The following ZCCHC4 variants were observed in gnomAD, a reference collection of about 807,000 sequenced individuals.
ZCCHC4 encodes the protein zinc finger CCHC-type containing 4.
A neutral mutation model predicts 67.7 loss-of-function variants in ZCCHC4; 54 were observed. The observed-to-expected ratio is 0.80, with a 90% CI of 0.64 to 1.00. The LOEUF (loss-of-function observed/expected upper bound fraction) is 1.00. Ranked by LOEUF, ZCCHC4 falls within the 50% of genes least tolerant of loss-of-function variation. ZCCHC4 has a pLI of 0.00. For missense variants in ZCCHC4, 609 were observed against 617.0 expected (o/e 0.99, Z 0.14); for synonymous variants, 198 against 213.5 (o/e 0.93, Z 0.63).
intron 2 of ZCCHC4, 106 bp from the exon 3 acceptor site, chr4:25,315,212 T>G: frequency 7.3e-5 from 70 of 953,164 alleles, no homozygotes; most frequent in Middle Eastern, 2.3e-4. Flanking sequence ...GAATGCCTGT[T>G]GAGTTGGTTG....
intron 12 of ZCCHC4, chr4:25,365,394 A>G: frequency 7.5e-7 from 1 of 1,327,866 alleles, no homozygotes; most frequent in Admixed American, 3.4e-5. Context: ...TAACCAAAAT[A>G]TGAGGTAGAA....
intron 5 of ZCCHC4, among the ~76,000 whole-genome samples, chr4:25,345,008 G>T (rs539736302): frequency 6.6e-6 from 1 of 151,920 alleles, no homozygotes; most frequent in East Asian, 1.9e-4. Flanking sequence ...TTGCCATGTT[G>T]CCCAGGTTGG....
Position 25,333,346 on chromosome 4 carries a change from G to GA in ZCCHC4, c.497dup (p.Asn166LysfsTer12). ...GCCCAGTCAACTCCTTTATCCACTGGAAAACAAGAAGACAAATGCCCAGTA... is the reference window on the plus strand; with the variant it reads ...GCCCAGTCAACTCCTTTATCCACTGGAAAAACAAGAAGACAAATGCCCAGTA... On this transcript the variant is annotated frameshift_variant, in exon 4 of 13. Coordinates refer to ENST00000302874, the MANE Select transcript of ZCCHC4 (RefSeq NM_024936.3). LOFTEE classifies it high-confidence loss of function. The GA allele has an allele frequency of 6.2e-7, 1 of 1,614,094 alleles. No individual in the cohort carries two copies. The highest frequency in any genetic ancestry group is 8.5e-7 in the Non-Finnish European group (1 of 1,180,022).
intron 3 of ZCCHC4, among the ~76,000 whole-genome samples, chr4:25,322,162 T>TTTTA (rs1183658951): frequency 1.3e-5 from 2 of 152,276 alleles, no homozygotes; most frequent in Admixed American, 1.3e-4. Flanking sequence ...CAGGCTCTCT[T>TTTTA]TTTATTTATT....
At chr4:25,363,744 GTATAGTT>G (rs977288436) in intron 10 of ZCCHC4, among the ~76,000 whole-genome samples, 1 of 152,196 alleles carries the variant, frequency 6.6e-6, no homozygotes, top group African/African-American at 2.4e-5. Context: ...TGCCCAGACT[GTATAGTT>G]TAAAGTTGAG....
At position 25,359,445 on chromosome 4, in the gene ZCCHC4, A is replaced by G. The variant is rs1016101906; in HGVS notation, c.1012-2414A>G. Among the ~76,000 whole-genome samples, 28 of 152,126 alleles carry G rather than the reference A, an allele frequency of 1.8e-4. No individual in the cohort carries two copies. The highest frequency in any genetic ancestry group is 6.5e-4 in the African/African-American group (27 of 41,434). ...CTCGGCTACAGAGCTTGGAAAAGGA[A>G]TTAGAGGCTGCTCTGGATACAGGCC... is the stretch of plus-strand genomic sequence containing the variant. On this transcript the variant is annotated intron_variant, in intron 8 of 12. Transcript: ENST00000302874. The surrounding 1 kb of genome is among the most constrained non-coding windows in gnomAD (Gnocchi z 4.9).
chr4:25,335,530 G>A (rs1226930864), intron 5 of ZCCHC4, among the ~76,000 whole-genome samples: 1 of 152,160 alleles, frequency 6.6e-6, no homozygotes, highest in Non-Finnish European at 1.5e-5. Flanking sequence ...GGAGGCTGAG[G>A]CAGGTGGATT....
intron 12 of ZCCHC4, chr4:25,366,162 T>C: frequency 1.0e-6 from 1 of 983,816 alleles, no homozygotes; most frequent in African/African-American, 1.7e-5. Context: ...GTGAAAATTT[T>C]TTTTTCCATT....
chr4:25,331,238 ACTT>A (rs1374551141), intron 3 of ZCCHC4, among the ~76,000 whole-genome samples: 2 of 152,106 alleles, frequency 1.3e-5, no homozygotes, highest in East Asian at 3.9e-4. Flanking sequence ...TCTTTTTAAA[ACTT>A]CTTTTGAAGG....
At chr4:25,316,605 C>T (rs1215366799) in intron 3 of ZCCHC4, among the ~76,000 whole-genome samples, 1 of 148,798 alleles carries the variant, frequency 6.7e-6, no homozygotes, top group East Asian at 1.9e-4. Flanking sequence ...TGCTTACTGG[C>T]TATTTATGTA....
intron 8 of ZCCHC4, among the ~76,000 whole-genome samples, chr4:25,353,495 G>C (rs1280428386): frequency 6.6e-6 from 1 of 152,198 alleles, no homozygotes. Context: ...TTGCAATACG[G>C]AGATAGCTGA....
rs1720754422 is a variant in ZCCHC4 at position 25,361,915 on chromosome 4, T to C, written c.1068T>C (p.Ser356=). The C allele has an allele frequency of 3.7e-6, 6 of 1,614,008 alleles. No individual in the cohort carries two copies. The Middle Eastern group carries it at 6.6e-4, about 178-fold the overall frequency. ...YKHGKTGRKQ[S]PVRIFTNIPP... is the part of the protein sequence containing the mutation. ...ACGGAAAGACAGGTCGAAAACAGTC[T>C]CCCGTGCGTATTTTCACCAACATTC... The change falls in exon 9 of 13, where the codon TCT becomes TCC. Residue 356 remains serine, a synonymous_variant. Coordinates refer to ENST00000302874, the MANE Select transcript of ZCCHC4 (RefSeq NM_024936.3).
intron 5 of ZCCHC4, among the ~76,000 whole-genome samples, chr4:25,339,994 G>A (rs549839121): frequency 6.6e-6 from 1 of 151,422 alleles, no homozygotes; most frequent in Non-Finnish European, 1.5e-5. Context: ...TCAGCCTCCC[G>A]AGTAGCTGGA....
intron 3 of ZCCHC4, among the ~76,000 whole-genome samples, chr4:25,323,082 G>A (rs550422839): frequency 6.6e-6 from 1 of 152,260 alleles, no homozygotes; most frequent in African/African-American, 2.4e-5. Context: ...ACGTGTTCAG[G>A]TATTAGCCGG....
chr4:25,323,123 C>G (rs1191338555), intron 3 of ZCCHC4, among the ~76,000 whole-genome samples: 2 of 152,224 alleles, frequency 1.3e-5, no homozygotes, highest in African/African-American at 2.4e-5. Context: ...AGCTCCCCAT[C>G]AGCCCTTTGT....
At chr4:25,341,420 G>A (rs922142676) in intron 5 of ZCCHC4, among the ~76,000 whole-genome samples, 3 of 152,022 alleles carry the variant, frequency 2.0e-5, no homozygotes, top group African/African-American at 7.3e-5. Flanking sequence ...GTTCATGCAA[G>A]AGCTGGTTGT....
In ZCCHC4 at chr4:25,326,304, A is replaced by G. The variant is rs1511411; in HGVS notation, c.330-6879A>G. ...CCTCACTCCACTGCCTCTGGCTTAT[A>G]AGAACCCTTGTAATTATGTTGAGTC... On this transcript the variant is annotated intron_variant, in intron 3 of 12. Transcript: ENST00000302874. 0.014 allele frequency among the ~76,000 whole-genome samples: 2,148 copies of G among 152,318 alleles called. 93 individuals carry two copies. In the East Asian group the frequency reaches 0.15, roughly 11 times the overall value.
rs78552130 is a variant in ZCCHC4 at position 25,323,253 on chromosome 4, C to T, written c.329+7853C>T. Among the ~76,000 whole-genome samples, 1,029 of 152,250 alleles carry T rather than the reference C, an allele frequency of 6.8e-3. 10 individuals are homozygous for T. The highest frequency in any genetic ancestry group is 0.023 in the African/African-American group (966 of 41,550). Reference sequence around the variant, plus strand: ...TTCTGTAAAAAAGAACTTTGTTTCACCAACTGTTAGCTTACTTTGTTACAG... The same window carrying T: ...TTCTGTAAAAAAGAACTTTGTTTCATCAACTGTTAGCTTACTTTGTTACAG... On this transcript the variant is annotated intron_variant, in intron 3 of 12. Transcript: ENST00000302874.
At chr4:25,365,352 G>A (rs1193196765) in intron 12 of ZCCHC4, 186 bp downstream of exon 12, 1 of 1,398,806 alleles carries the variant, frequency 7.1e-7, no homozygotes, top group African/African-American at 1.5e-5. Flanking sequence ...TGCTTTCAAA[G>A]AGCTTACAGT....
Sources: allele counts gnomAD v4.1 joint callset (sites outside exome capture counted in the v4.1 genomes callset), GRCh38; gene constraint gnomAD v4.1.1; non-coding constraint Gnocchi (gnomAD v3.1); transcripts MANE v1.5; gene names NCBI Gene and HGNC (gene_info 2026-07-23, HGNC 2026-07-21).